Variants in MARK3 observed in about 807,000 individuals in gnomAD.
The protein encoded by MARK3 is microtubule affinity regulating kinase 3, also known as MAP/microtubule affinity-regulating kinase 3.
Under a neutral mutation model 90.1 loss-of-function variants are expected in MARK3, and 46 were observed. The observed-to-expected ratio is 0.51, with a 90% CI of 0.40 to 0.65. The LOEUF (loss-of-function observed/expected upper bound fraction) is 0.65. Among genes scored for constraint, MARK3 ranks in the 30% least tolerant of loss-of-function variants. The pLI is 0.00. For missense variants in MARK3, 818 were observed against 947.2 expected (o/e 0.86, Z 1.79); for synonymous variants, 321 against 332.6 (o/e 0.97, Z 0.38).
At chr14:103,397,825 T>C (rs968634893) in intron 1 of MARK3, among the ~76,000 whole-genome samples, 1 of 152,182 alleles carries the variant, frequency 6.6e-6, no homozygotes, top group Non-Finnish European at 1.5e-5. Context: ...CTTAGATGCT[T>C]TCTCATAAAT....
chr14:103,441,599 C>A (rs1011243339), intron 3 of MARK3: 8 of 152,016 alleles, frequency 5.3e-5, no homozygotes, highest in Non-Finnish European at 1.2e-4. Flanking sequence ...TTTGTGTCTT[C>A]TTTAAGAAAT....
intron 7 of MARK3, among the ~76,000 whole-genome samples, chr14:103,465,295 C>T (rs2093481720): frequency 6.6e-6 from 1 of 152,114 alleles, no homozygotes; most frequent in African/African-American, 2.4e-5. Context: ...AATTGAAAAA[C>T]TCAAGGCTTT....
intron 7 of MARK3, among the ~76,000 whole-genome samples, chr14:103,462,736 T>C (rs955853426): frequency 1.3e-5 from 2 of 152,174 alleles, no homozygotes; most frequent in East Asian, 3.8e-4. Flanking sequence ...TCCAGAAATG[T>C]ATGGTCACGC....
At chr14:103,386,175 C>T (rs2089775033) in intron 1 of MARK3, 95 bp downstream of exon 1, 3 of 1,226,988 alleles carry the variant, frequency 2.4e-6, no homozygotes, top group Non-Finnish European at 3.6e-6. Context: ...CCCAGCCGAA[C>T]GCTCTGGAAA....
chr14:103,442,982 A>G (rs1206912675), intron 3 of MARK3, among the ~76,000 whole-genome samples: 2 of 146,948 alleles, frequency 1.4e-5, no homozygotes. Flanking sequence ...GAAGAGAGGC[A>G]ATGAAATAGA....
chr14:103,467,334 C>A, intron 11 of MARK3, 143 bp downstream of exon 11: 1 of 513,936 alleles, frequency 1.9e-6, no homozygotes, highest in Non-Finnish European at 3.5e-6. Context: ...AAATCTAAAT[C>A]CTATGACTAT....
chr14:103,437,239 T>G (rs1372995653), intron 3 of MARK3, among the ~76,000 whole-genome samples: 1 of 152,142 alleles, frequency 6.6e-6, no homozygotes, highest in Non-Finnish European at 1.5e-5. Context: ...TTATTTTTGT[T>G]TTGGCAATAA....
intron 1 of MARK3, among the ~76,000 whole-genome samples, chr14:103,386,860 C>T (rs957143851): frequency 6.6e-6 from 1 of 152,140 alleles, no homozygotes; most frequent in African/African-American, 2.4e-5. Flanking sequence ...ATAAAAGGAA[C>T]CTTTGATTTT....
chr14:103,420,231 A>T (rs768713855), intron 2 of MARK3, among the ~76,000 whole-genome samples: 23 of 151,146 alleles, frequency 1.5e-4, no homozygotes, highest in Non-Finnish European at 2.5e-4. Flanking sequence ...AGTTTTGAAC[A>T]TTTTTTTTTC....
intron 3 of MARK3, among the ~76,000 whole-genome samples, chr14:103,435,665 C>T (rs2092698965): frequency 6.6e-6 from 1 of 152,128 alleles, no homozygotes; most frequent in Non-Finnish European, 1.5e-5. Flanking sequence ...GCCTTGGCCT[C>T]CCAAAGTGCT....
At chr14:103,465,420 C>G in intron 7 of MARK3, 137 bp from the exon 8 acceptor site, 2 of 621,378 alleles carry the variant, frequency 3.2e-6, no homozygotes, top group East Asian at 5.4e-5. Flanking sequence ...GTTTTTTTCT[C>G]TAGAAAGAAT....
At chr14:103,447,837 G>A (rs371553952) in intron 3 of MARK3, among the ~76,000 whole-genome samples, 2 of 151,926 alleles carry the variant, frequency 1.3e-5, no homozygotes, top group Admixed American at 6.6e-5. Context: ...GTGCAGTGAC[G>A]CCATCAGCTC....
chr14:103,438,216 T>A (rs1469628396), intron 3 of MARK3, among the ~76,000 whole-genome samples: 1 of 152,146 alleles, frequency 6.6e-6, no homozygotes, highest in Non-Finnish European at 1.5e-5. Context: ...TTGGTCAGGC[T>A]GGTCTGGAAC....
At chr14:103,473,525 G>A (rs552198427) in intron 12 of MARK3, among the ~76,000 whole-genome samples, 14 of 152,292 alleles carry the variant, frequency 9.2e-5, no homozygotes, top group African/African-American at 3.1e-4. Context: ...AGAAAGATAA[G>A]CATTGAGGCT....
chr14:103,402,856 G>C (rs1366854364), intron 1 of MARK3, among the ~76,000 whole-genome samples: 1 of 152,164 alleles, frequency 6.6e-6, no homozygotes, highest in Non-Finnish European at 1.5e-5. Context: ...TAAAGTTTTG[G>C]GGAGGTGGCA....
intron 14 of MARK3, among the ~76,000 whole-genome samples, chr14:103,481,606 C>T (rs971042928): frequency 6.9e-6 from 1 of 145,916 alleles, no homozygotes; most frequent in Non-Finnish European, 1.5e-5. Context: ...GAATTTTTAG[C>T]AATATTTACA....
At chr14:103,491,012 G>C in intron 14 of MARK3, 4 of 1,288,450 alleles carry the variant, frequency 3.1e-6, no homozygotes, top group Non-Finnish European at 3.0e-6. Flanking sequence ...CTACCTGTCG[G>C]CTGAGACATC....
At chr14:103,449,566 A>AT (rs1452288932) in intron 4 of MARK3, among the ~76,000 whole-genome samples, 4 of 152,200 alleles carry the variant, frequency 2.6e-5, no homozygotes, top group African/African-American at 9.7e-5. Context: ...GATAGGAATT[A>AT]TTTTATAAAT....
intron 14 of MARK3, among the ~76,000 whole-genome samples, chr14:103,481,206 A>G (rs1487104360): frequency 6.6e-6 from 1 of 152,150 alleles, no homozygotes; most frequent in Non-Finnish European, 1.5e-5. Flanking sequence ...GAGAAAAGAG[A>G]AGTTAGATTG....
Sources: allele counts gnomAD v4.1 joint callset (sites outside exome capture counted in the v4.1 genomes callset), GRCh38; gene constraint gnomAD v4.1.1; transcripts MANE v1.5; gene names NCBI Gene and HGNC (gene_info 2026-07-23, HGNC 2026-07-21).